The following MEGF9 variants were observed in gnomAD, a reference collection of about 807,000 sequenced individuals.
MEGF9 encodes the protein multiple epidermal growth factor-like domains protein 9.
Under a neutral mutation model 46.8 loss-of-function variants are expected in MEGF9, and 6 were observed. The ratio of observed to expected loss-of-function variants is 0.13; its 90% confidence interval spans 0.07 to 0.25. MEGF9 has a LOEUF of 0.25. Ranked by LOEUF, MEGF9 falls within the 10% of genes least tolerant of loss-of-function variation. MEGF9 has a pLI of 1.00. For synonymous variants in MEGF9, 302 were observed against 330.7 expected (o/e 0.91, Z 0.94); for missense variants, 683 against 792.4 (o/e 0.86, Z 1.66).
chr9:120,650,714 C>CA (rs1255376030), intron 2 of MEGF9, among the ~76,000 whole-genome samples: 1 of 152,158 alleles, frequency 6.6e-6, no homozygotes, highest in African/African-American at 2.4e-5. Flanking sequence ...TTTCTACTCT[C>CA]ATTTTTTAAA....
intron 3 of MEGF9, among the ~76,000 whole-genome samples, chr9:120,614,504 C>G (rs1449164709): frequency 6.6e-6 from 1 of 152,156 alleles, no homozygotes. Context: ...GTGGTAGACA[C>G]TTTAGGTACT....
chr9:120,652,590 G>GCACA (rs141794570), intron 2 of MEGF9, among the ~76,000 whole-genome samples: 250 of 134,204 alleles, frequency 1.9e-3, no homozygotes, highest in African/African-American at 5.7e-3. Flanking sequence ...GTGGACACAG[G>GCACA]CACACACACA....
At chr9:120,614,354 T>C (rs906932268) in intron 3 of MEGF9, among the ~76,000 whole-genome samples, 7 of 152,210 alleles carry the variant, frequency 4.6e-5, no homozygotes, top group African/African-American at 1.7e-4. Flanking sequence ...TTGTGAAAGA[T>C]ACCTTCAAAA....
At chr9:120,656,546 CAAAAAAAAA>C (rs11446439) in intron 2 of MEGF9, among the ~76,000 whole-genome samples, 5 of 88,922 alleles carry the variant, frequency 5.6e-5, no homozygotes, top group South Asian at 4.3e-4. Context: ...GACTCCGTCT[CAAAAAAAAA>C]AAAAAAAAAA....
intron 1 of MEGF9, among the ~76,000 whole-genome samples, chr9:120,683,483 T>A (rs1451185840): frequency 6.6e-6 from 1 of 152,206 alleles, no homozygotes; most frequent in Non-Finnish European, 1.5e-5. Flanking sequence ...CAAGATCTGA[T>A]GGTTTTATAA....
chr9:120,686,085 GA>G (rs2043820849), intron 1 of MEGF9, among the ~76,000 whole-genome samples: 1 of 150,064 alleles, frequency 6.7e-6, no homozygotes, highest in African/African-American at 2.5e-5. Flanking sequence ...GGAGTTGAGG[GA>G]ATTTTTTTTT....
chr9:120,646,458 T>C (rs1547267), intron 2 of MEGF9, among the ~76,000 whole-genome samples: 104,694 of 152,070 alleles, frequency 0.69, 36,238 homozygotes, highest in South Asian at 0.75. Context: ...ATCTCTGAGA[T>C]GTTAATCTTG....
At chr9:120,665,293 C>T (rs1433696213) in intron 1 of MEGF9, among the ~76,000 whole-genome samples, 1 of 152,038 alleles carries the variant, frequency 6.6e-6, no homozygotes, top group Non-Finnish European at 1.5e-5. Flanking sequence ...GCAACCTCTG[C>T]CTCCCAGGTT....
chr9:120,695,790 CTCAGAATCCCTTCCTATT>C (rs1244243613), intron 1 of MEGF9, among the ~76,000 whole-genome samples: 1 of 152,216 alleles, frequency 6.6e-6, no homozygotes, highest in South Asian at 2.1e-4. Flanking sequence ...TCCCACCATT[CTCAGAATCCCTTCCTATT>C]TGGAGGAATT....
intron 2 of MEGF9, among the ~76,000 whole-genome samples, chr9:120,635,871 A>G (rs774314018): frequency 3.9e-5 from 6 of 152,024 alleles, no homozygotes; most frequent in Non-Finnish European, 8.8e-5. Flanking sequence ...GTGGCAACCT[A>G]TTTCCATGCT....
chr9:120,623,680 A>G (rs1288672137), intron 2 of MEGF9, among the ~76,000 whole-genome samples: 3 of 152,230 alleles, frequency 2.0e-5, no homozygotes, highest in Admixed American at 2.0e-4. Flanking sequence ...CTTACACAAG[A>G]ATATCCCAAG....
intron 1 of MEGF9, among the ~76,000 whole-genome samples, chr9:120,696,543 A>T (rs185618615): frequency 6.6e-6 from 1 of 152,284 alleles, no homozygotes; most frequent in Admixed American, 6.5e-5. Flanking sequence ...TTAGTATCTG[A>T]CAAAGAGTAA....
chr9:120,613,091 C>A (rs2043456263), intron 3 of MEGF9, among the ~76,000 whole-genome samples: 1 of 152,102 alleles, frequency 6.6e-6, no homozygotes. Flanking sequence ...CCTGCGTTGG[C>A]CTCCCAAAGT....
At chr9:120,699,833 A>C (rs1043530667) in intron 1 of MEGF9, among the ~76,000 whole-genome samples, 2 of 152,128 alleles carry the variant, frequency 1.3e-5, no homozygotes, top group Non-Finnish European at 2.9e-5. Flanking sequence ...TATGAGATAA[A>C]GATTATTTTG....
intron 2 of MEGF9, among the ~76,000 whole-genome samples, chr9:120,649,143 A>C (rs146937444): frequency 1.3e-5 from 2 of 152,250 alleles, no homozygotes; most frequent in African/African-American, 4.8e-5. Context: ...TGTTTTCTTA[A>C]ATTTTCATTT....
At chr9:120,661,217 C>A (rs1304863435) in intron 1 of MEGF9, among the ~76,000 whole-genome samples, 1 of 152,108 alleles carries the variant, frequency 6.6e-6, no homozygotes, top group Non-Finnish European at 1.5e-5. Flanking sequence ...GTAAAGATAA[C>A]AAATAACAAA....
chr9:120,692,281 C>T (rs2043851856), intron 1 of MEGF9, among the ~76,000 whole-genome samples: 1 of 152,164 alleles, frequency 6.6e-6, no homozygotes, highest in African/African-American at 2.4e-5. Context: ...TTTGTCAAGT[C>T]TCTAATTTTA....
At chr9:120,637,920 C>T (rs1429047040) in intron 2 of MEGF9, among the ~76,000 whole-genome samples, 1 of 150,604 alleles carries the variant, frequency 6.6e-6, no homozygotes, top group Non-Finnish European at 1.5e-5. Flanking sequence ...GAAGTTGCTT[C>T]TCAAATATGT....
chr9:120,656,852 G>A lies in MEGF9; in HGVS notation c.803+2522C>T, dbSNP rs144922807. ...AATCCCAGCACTTTGGGAGGCCAAC[G>A]CAGGAGGATCGCTTGAGCCCAGGAG... On this transcript the variant is annotated intron_variant, in intron 2 of 5. Transcript: ENST00000373930. Among the ~76,000 whole-genome samples, 11 of 152,268 alleles carry A rather than the reference G, an allele frequency of 7.2e-5. No homozygotes were observed. In the East Asian group the frequency reaches 1.7e-3, roughly 24 times the overall value.
Sources: allele counts gnomAD v4.1 joint callset (sites outside exome capture counted in the v4.1 genomes callset), GRCh38; gene constraint gnomAD v4.1.1; transcripts MANE v1.5; gene names NCBI Gene and HGNC (gene_info 2026-07-23, HGNC 2026-07-21).